TCN1: variants seen among roughly 807,000 people sequenced by gnomAD.
TCN1 encodes transcobalamin 1.
A neutral mutation model predicts 46.3 loss-of-function variants in TCN1; 47 were observed. That is an observed-to-expected ratio of 1.01 (90% CI 0.80 to 1.29). TCN1 has a LOEUF of 1.29. TCN1 is among the 50% of genes most tolerant of loss of function. TCN1 has a pLI of 0.00. For synonymous variants in TCN1, 183 were observed against 192.5 expected, an observed-to-expected ratio of 0.95 and a Z score of 0.41; for missense variants, 532 against 511.0, an observed-to-expected ratio of 1.04 and a Z score of -0.40.
Position 59,861,643 on chromosome 11 carries a change from A to T in TCN1, c.440T>A (p.Leu147His). The change falls in exon 4 of 9, where the codon CTC (leucine) becomes CAC (histidine). Residue 147 changes from leucine to histidine, a missense_variant. By Grantham distance (99) the Leu-to-His change is moderately conservative. Coordinates refer to ENST00000257264, the MANE Select transcript of TCN1 (RefSeq NM_001062.4). ...ACACAAGGCCAAAACGTCCAGGCTG[A>T]GCTGGTAGTAGTTAGTCAGGGGAGT... is the stretch of plus-strand genomic sequence containing the variant. The part of the protein sequence containing the change: ...NGTPLTNYYQ[L>H]SLDVLALCLF... The T allele has an allele frequency of 6.2e-7, 1 of 1,614,156 alleles. No homozygotes were observed. The highest frequency in any genetic ancestry group is 8.5e-7 in the Non-Finnish European group (1 of 1,179,992).
chr11:59,858,971 T>C, intron 5 of TCN1, 106 bp downstream of exon 5: 2 of 1,342,346 alleles, frequency 1.5e-6, no homozygotes, highest in South Asian at 1.2e-5. Flanking sequence ...CCATTGCAAC[T>C]CCAGCCTGGG....
intron 5 of TCN1, 38 bp from the exon 6 acceptor site, chr11:59,856,096 T>C (rs1852932328): frequency 1.4e-6 from 2 of 1,403,566 alleles, no homozygotes; most frequent in Non-Finnish European, 1.0e-6. Flanking sequence ...TGATGAGAGA[T>C]AAAGAGAGAC....
Position 59,857,053 on chromosome 11 carries a change from G to A in TCN1, c.748-995C>T, listed in dbSNP as rs541395516. Among the ~76,000 whole-genome samples, 12 of 152,230 alleles carry A rather than the reference G, an allele frequency of 7.9e-5. No homozygotes were observed. In the South Asian group the frequency reaches 1.9e-3, roughly 24 times the overall value. On this transcript the variant is annotated intron_variant, in intron 5 of 8. Coordinates refer to ENST00000257264, the MANE Select transcript of TCN1 (RefSeq NM_001062.4). ...TCTTGGAGGTTCTTAAGCTAACCAA[G>A]TTGTCCACAAGCATTTGTGGGATAT...
chr11:59,854,613 A>G (rs1261820898), intron 7 of TCN1, 39 bp downstream of exon 7: 13 of 1,599,162 alleles, frequency 8.1e-6, no homozygotes, highest in Non-Finnish European at 1.1e-5. Flanking sequence ...TTTAGAAATG[A>G]CAGCAAACAT....
Position 59,853,019 on chromosome 11 carries a change from C to T in TCN1, c.1258G>A (p.Val420Ile). Residue 420 changes from valine (V) to isoleucine (I), a missense_variant, in exon 9 of 9, where the codon GTC (valine) becomes ATC (isoleucine). Coordinates refer to ENST00000257264, the MANE Select transcript of TCN1 (RefSeq NM_001062.4). ...ACCTCCAAGTTTTCTCCATTGCGGA[C>T]AACGTAACTACCAGCTCCTGAAAAG... ...PLSQGAGSYV[V>I]RNGENLEVRW... 1 of 1,614,120 alleles carries T rather than the reference C, an allele frequency of 6.2e-7. No homozygotes were observed. The highest frequency in any genetic ancestry group is 8.5e-7 in the Non-Finnish European group (1 of 1,180,016).
intron 4 of TCN1, among the ~76,000 whole-genome samples, chr11:59,860,940 T>C (rs768230388): frequency 2.6e-5 from 4 of 152,218 alleles, no homozygotes; most frequent in Non-Finnish European, 5.9e-5. Context: ...CTTGTATATC[T>C]GGATCCATAG....
chr11:59,865,196 A>G (rs570284152), intron 1 of TCN1, among the ~76,000 whole-genome samples: 1 of 152,258 alleles, frequency 6.6e-6, no homozygotes, highest in South Asian at 2.1e-4. Flanking sequence ...GAATAGAGTG[A>G]TTGTAGAAAG....
chr11:59,862,443 A>G, intron 3 of TCN1, 139 bp downstream of exon 3: 1 of 1,050,018 alleles, frequency 9.5e-7, no homozygotes, highest in Non-Finnish European at 1.4e-6. Context: ...ACTGAAAGAG[A>G]AAAAGGGAAG....
At chr11:59,857,052 A>G (rs1852951807) in intron 5 of TCN1, among the ~76,000 whole-genome samples, 1 of 152,176 alleles carries the variant, frequency 6.6e-6, no homozygotes, top group Non-Finnish European at 1.5e-5. Context: ...AAGCTAACCA[A>G]GTTGTCCACA....
Position 59,861,591 on chromosome 11 carries a change from G to T in TCN1, c.492C>A (p.Ala164=). The stretch of plus-strand genomic sequence containing the variant: ...CAGGAGTGAAGTGGTTGACAACTTC[G>T]GCGGTTGAGTAGTTCCCATTGAACA... ...LCLFNGNYST[A]EVVNHFTPEN... Residue 164 remains alanine, a synonymous_variant, in exon 4 of 9, where the codon GCC becomes GCA. Transcript: ENST00000257264. The T allele has an allele frequency of 1.9e-6, 3 of 1,614,092 alleles. No individual in the cohort carries two copies. The Middle Eastern group carries it at 5.0e-4, about 266-fold the overall frequency.
In TCN1 at chr11:59,853,942, T is replaced by C. The variant is rs1866694977; in HGVS notation, c.1122-621A>G. ...TTAGATATGATAAATAACTGTCAAC[T>C]AGAGTTAAGGAGCCAAATAAGTCAT... On this transcript the variant is annotated intron_variant, in intron 7 of 8. Transcript: ENST00000257264. Among the ~76,000 whole-genome samples the C allele has an allele frequency of 2.0e-5, 3 of 146,594 alleles. No individual in the cohort carries two copies. The South Asian group carries it at 6.2e-4, about 30-fold the overall frequency.
At position 59,862,594 on chromosome 11, in the gene TCN1, T is replaced by C. The variant is rs1853026715; in HGVS notation, c.388A>G (p.Ile130Val). Residue 130 changes from isoleucine (I) to valine (V), a missense_variant, in exon 3 of 9, where the codon ATT becomes GTT. Ile to Val is a conservative substitution (Grantham distance 29). Transcript: ENST00000257264. ...DKLENKFQAE[I>V]ENMEAHNGTP... ...ATTTAATTCTTACCCATATTTTCAA[T>C]TTCTGCTTGGAATTTATTTTCTAGC... The C allele has an allele frequency of 1.9e-6, 3 of 1,613,452 alleles. No homozygotes were observed. The highest frequency in any genetic ancestry group is 1.3e-5 in the African/African-American group (1 of 74,878).
In TCN1 at chr11:59,866,483, G is replaced by T. The variant is rs375007891; in HGVS notation, c.-13C>A. ...GTGACTGTCTCATCTCTCCAACAGTGTACCAGAATGTTGATGAATTGGCTG... is the reference window on the plus strand; with the variant it reads ...GTGACTGTCTCATCTCTCCAACAGTTTACCAGAATGTTGATGAATTGGCTG... On this transcript the variant is annotated 5_prime_UTR_variant, in exon 1 of 9. Transcript: ENST00000257264. The T allele has an allele frequency of 1.2e-5, 20 of 1,610,970 alleles. No individual in the cohort carries two copies. The highest frequency in any genetic ancestry group is 1.6e-5 in the Non-Finnish European group (19 of 1,177,358).
chr11:59,863,789 A>C (rs2135110866), intron 2 of TCN1, 118 bp downstream of exon 2: 1 of 1,141,480 alleles, frequency 8.8e-7, no homozygotes, highest in South Asian at 1.3e-5. Flanking sequence ...CAAGTTTGGT[A>C]CCATTAGAAG....
intron 5 of TCN1, 27 bp from the exon 6 acceptor site, chr11:59,856,085 G>GGGGGGGGGGGGGGC: frequency 1.7e-6 from 1 of 585,328 alleles, no homozygotes; most frequent in Non-Finnish European, 3.2e-6. Flanking sequence ...GGGTGGGGGG[G>GGGGGGGGGGGGGGC]TGATGAGAGA....
At chr11:59,865,304 G>C (rs1199429188) in intron 1 of TCN1, among the ~76,000 whole-genome samples, 23 of 152,130 alleles carry the variant, frequency 1.5e-4, no homozygotes, top group Admixed American at 1.5e-3. Context: ...CCCTGAAACA[G>C]ACTTTTTAGT....
In TCN1 at chr11:59,861,551, A is replaced by C; in HGVS notation, c.532T>G (p.Tyr178Asp). The C allele has an allele frequency of 6.2e-7, 1 of 1,614,070 alleles. No homozygotes were observed. The highest frequency in any genetic ancestry group is 8.5e-7 in the Non-Finnish European group (1 of 1,179,972). ...NHFTPENKNY[Y>D]FGSQFSVDTG... is the part of the protein sequence containing the mutation. ...CCTACTGAGAACTGGCTACCAAAAT[A>C]ATAGTTTTTATTTTCAGGAGTGAAG... The change falls in exon 4 of 9, where the codon TAT (tyrosine) becomes GAT (aspartate). Residue 178 changes from tyrosine (Y) to aspartate (D), a missense_variant. By Grantham distance (160) the Tyr-to-Asp change is radical. Coordinates refer to ENST00000257264, the MANE Select transcript of TCN1 (RefSeq NM_001062.4).
chr11:59,858,743 T>A (rs1223772177), intron 5 of TCN1, among the ~76,000 whole-genome samples: 4 of 152,006 alleles, frequency 2.6e-5, no homozygotes, highest in African/African-American at 9.7e-5. Context: ...CCAAGGTGAG[T>A]GGATCACCTG....
chr11:59,864,007 G>A lies in TCN1; in HGVS notation c.159C>T (p.Ser53=), dbSNP rs200361212. Residue 53 remains serine (S), a synonymous_variant, in exon 2 of 9, where the codon AGC becomes AGT. Coordinates refer to ENST00000257264, the MANE Select transcript of TCN1 (RefSeq NM_001062.4). ...MIQSNYNRGT[S]AVNVVLSLKL... ...TGAGGGACAACACAACATTGACAGC[G>A]CTGGTTCCCCTGTTATAGTTTGACT... 3.8e-5 allele frequency: 62 copies of A among 1,613,922 alleles called. No individual in the cohort carries two copies. The highest frequency in any genetic ancestry group is 3.6e-4 in the East Asian group (16 of 44,886).
Sources: gnomAD v4.1 joint callset for allele counts (sites outside exome capture counted in the v4.1 genomes callset) on GRCh38, gnomAD v4.1.1 for gene constraint, MANE v1.5 for transcripts, NCBI Gene and HGNC (gene_info 2026-07-23, HGNC 2026-07-21) for gene names.